PTPN1: variants seen among roughly 807,000 people sequenced by gnomAD.
PTPN1 encodes the protein tyrosine-protein phosphatase non-receptor type 1.
A neutral mutation model predicts 59.9 loss-of-function variants in PTPN1; 12 were observed. The ratio of observed to expected loss-of-function variants is 0.20; its 90% CI spans 0.13 to 0.32. The LOEUF is 0.32. Ranked by LOEUF, PTPN1 falls within the 10% of genes least tolerant of loss-of-function variation. PTPN1 has a pLI of 1.00. For missense variants in PTPN1, 356 were observed against 549.2 expected, an observed-to-expected ratio of 0.65 and a Z score of 3.52; for synonymous variants, 178 against 203.6, an observed-to-expected ratio of 0.87 and a Z score of 1.07.
intron 1 of PTPN1, among the ~76,000 whole-genome samples, chr20:50,536,045 C>G (rs1166815911): frequency 6.6e-6 from 1 of 152,118 alleles, no homozygotes; most frequent in Non-Finnish European, 1.5e-5. Flanking sequence ...GGTATGTTTT[C>G]CTGAGGTTAA....
At chr20:50,530,175 A>ATTTTTTTTTTTTTTTTT in intron 1 of PTPN1, among the ~76,000 whole-genome samples, 1 of 121,092 alleles carries the variant, frequency 8.3e-6, no homozygotes, top group Non-Finnish European at 1.7e-5. Flanking sequence ...TGCCTGGCTG[A>ATTTTTTTTTTTTTTTTT]TTTTTTTTTT....
Position 50,563,494 on chromosome 20 carries a change from T to C in PTPN1, c.155-1475T>C, listed in dbSNP as rs1464354614. On this transcript the variant is annotated intron_variant, in intron 2 of 9. Transcript: ENST00000371621. ...TTTGCCCAGAGTCACCCAGTGCTGTTTGAACCCACTCACATAACCAACCAA... is the reference window on the plus strand; with the variant it reads ...TTTGCCCAGAGTCACCCAGTGCTGTCTGAACCCACTCACATAACCAACCAA... Among the ~76,000 whole-genome samples the C allele has an allele frequency of 2.6e-5, 4 of 152,352 alleles. No homozygotes were observed. The East Asian group carries it at 7.7e-4, about 29-fold the overall frequency.
At chr20:50,540,062 AT>A (rs1426691085) in intron 1 of PTPN1, among the ~76,000 whole-genome samples, 3 of 150,402 alleles carry the variant, frequency 2.0e-5, no homozygotes, top group East Asian at 2.0e-4. Context: ...TTAAAAAAAA[AT>A]TTTTTTTTCG....
intron 1 of PTPN1, among the ~76,000 whole-genome samples, chr20:50,531,372 CT>C (rs1452959038): frequency 6.6e-6 from 1 of 151,878 alleles, no homozygotes; most frequent in African/African-American, 2.4e-5. Flanking sequence ...TGGTGGGAGT[CT>C]TTTTTTGTTT....
At chr20:50,571,826 G>A (rs958586088) in intron 4 of PTPN1, 1 of 152,210 alleles carries the variant, frequency 6.6e-6, no homozygotes, top group African/African-American at 2.4e-5. Flanking sequence ...GGGGAAGTAA[G>A]CAAGGTGAGT....
At chr20:50,512,803 A>G (rs1318609977) in intron 1 of PTPN1, among the ~76,000 whole-genome samples, 1 of 152,228 alleles carries the variant, frequency 6.6e-6, no homozygotes, top group Non-Finnish European at 1.5e-5. Context: ...CAAGGTGTGT[A>G]TCGCTTTACC....
intron 1 of PTPN1, among the ~76,000 whole-genome samples, chr20:50,539,118 C>T (rs1035871885): frequency 5.3e-5 from 8 of 150,582 alleles, no homozygotes; most frequent in Non-Finnish European, 1.5e-5. Flanking sequence ...TCACCGCAAC[C>T]TCCACCTTCT....
rs2082751688 is a variant in PTPN1 at position 50,561,348 on chromosome 20, T to C, written c.64-15T>C. 2 of 1,584,560 alleles carry C rather than the reference T, an allele frequency of 1.3e-6. No homozygotes were observed. The highest frequency in any genetic ancestry group is 1.7e-6 in the Non-Finnish European group (2 of 1,159,204). ...TGTCTGACGGTCAGTTAAATGTCTTTATTCTTTTTTGTAGGATATCCGACA... is the reference window on the plus strand; with the variant it reads ...TGTCTGACGGTCAGTTAAATGTCTTCATTCTTTTTTGTAGGATATCCGACA... On this transcript the variant is annotated splice_polypyrimidine_tract_variant and intron_variant, in intron 1 of 9. Transcript: ENST00000371621.
Position 50,510,596 on chromosome 20 carries a change from G to C in PTPN1, c.63+6G>C. ...GCTGGGCGGCCATTTACCAGGTGCGGGAGCGCCCCGGAGCGTGGCGGGCCC... is the reference window on the plus strand; with the variant it reads ...GCTGGGCGGCCATTTACCAGGTGCGCGAGCGCCCCGGAGCGTGGCGGGCCC... On this transcript the variant is annotated splice_donor_region_variant and intron_variant, in intron 1 of 9. Transcript: ENST00000371621. 4 of 1,549,240 alleles carry C rather than the reference G, an allele frequency of 2.6e-6. No individual in the cohort carries two copies. Among genetic ancestry groups the C allele is most frequent in the Non-Finnish European group, 2.6e-6 (3 of 1,145,984 alleles).
At chr20:50,524,306 G>A (rs2082563811) in intron 1 of PTPN1, among the ~76,000 whole-genome samples, 1 of 152,110 alleles carries the variant, frequency 6.6e-6, no homozygotes. Context: ...GGCAGTACAG[G>A]ATTCATTGAA....
chr20:50,579,976 G>A (rs754823766), intron 8 of PTPN1, 50 bp downstream of exon 8: 4 of 1,541,842 alleles, frequency 2.6e-6, no homozygotes, highest in Non-Finnish European at 3.6e-6. Flanking sequence ...ATGACTTTCT[G>A]TTCTAGAAAC....
chr20:50,568,307 C>A lies in PTPN1; in HGVS notation c.256-73C>A. The A allele has an allele frequency of 7.2e-7, 1 of 1,379,846 alleles. No homozygotes were observed. The highest frequency in any genetic ancestry group is 1.9e-4 in the Middle Eastern group (1 of 5,398). The allele number at this position is 1,379,846 out of a possible 1,614,324, so 85.5% of individuals were successfully genotyped here. A position where few individuals can be genotyped will look rare whatever the true frequency, so the allele number is the denominator to read the frequency against. ...GACTGAGGGCGCTGTCGTTAGCTGA[C>A]TGCAGAAGGTGAGCACACGCTGTAG... On this transcript the variant is annotated intron_variant, in intron 3 of 9. Coordinates refer to ENST00000371621, the MANE Select transcript of PTPN1 (RefSeq NM_002827.4). This position sits in a 1 kb window ranked among gnomAD's most constrained non-coding sequence, Gnocchi z 5.6.
At chr20:50,565,693 T>TAA (rs1247011174) in intron 3 of PTPN1, among the ~76,000 whole-genome samples, 101 of 152,272 alleles carry the variant, frequency 6.6e-4, no homozygotes, top group African/African-American at 2.4e-3. Context: ...AGAGTTTCTT[T>TAA]TTAATTAATC....
intron 3 of PTPN1, among the ~76,000 whole-genome samples, chr20:50,565,337 T>C (rs1362958980): frequency 6.6e-6 from 1 of 152,198 alleles, no homozygotes; most frequent in Non-Finnish European, 1.5e-5. Flanking sequence ...GCCTGTGTGG[T>C]CTGTTGGCAG....
At chr20:50,514,046 CT>C (rs1223226955) in intron 1 of PTPN1, among the ~76,000 whole-genome samples, 1 of 152,110 alleles carries the variant, frequency 6.6e-6, no homozygotes, top group African/African-American at 2.4e-5. Context: ...GTGTAAATGC[CT>C]TTGTAATTGT....
intron 4 of PTPN1, chr20:50,571,948 G>C (rs560576699): frequency 8.5e-5 from 13 of 152,154 alleles, no homozygotes; most frequent in East Asian, 7.7e-4. Context: ...TGTATCACAG[G>C]GTCCATATAA....
chr20:50,570,881 C>T (rs1055133823), intron 4 of PTPN1: 2 of 152,338 alleles, frequency 1.3e-5, no homozygotes, highest in Admixed American at 1.3e-4. Flanking sequence ...CCTGGTAGGC[C>T]AAATTGCCCC....
chr20:50,550,708 C>T (rs1437403716), intron 1 of PTPN1, among the ~76,000 whole-genome samples: 10 of 152,202 alleles, frequency 6.6e-5, no homozygotes. Flanking sequence ...ATGTTGAGTG[C>T]CTACCCTGGG....
chr20:50,527,901 C>T (rs1418762166), intron 1 of PTPN1, among the ~76,000 whole-genome samples: 3 of 152,160 alleles, frequency 2.0e-5, no homozygotes, highest in Non-Finnish European at 4.4e-5. Context: ...ACAGGGTTTA[C>T]CCAATCTGCT....
Sources: allele counts gnomAD v4.1 joint callset (sites outside exome capture counted in the v4.1 genomes callset), GRCh38; gene constraint gnomAD v4.1.1; non-coding constraint Gnocchi (gnomAD v3.1); transcripts MANE v1.5; gene names NCBI Gene and HGNC (gene_info 2026-07-23, HGNC 2026-07-21).